The following MAGI2 variants were observed in gnomAD, a reference collection of about 807,000 sequenced individuals.
MAGI2 encodes membrane associated guanylate kinase, WW and PDZ domain containing 2, also known as membrane-associated guanylate kinase, WW and PDZ domain-containing protein 2.
Under a neutral mutation model 133.3 loss-of-function variants are expected in MAGI2, and 35 were observed. That is an observed-to-expected ratio of 0.26 (90% CI 0.20 to 0.35). MAGI2 has a LOEUF of 0.35. Among genes scored for constraint, MAGI2 ranks in the 10% least tolerant of loss-of-function variants. The pLI, the probability that MAGI2 is intolerant of heterozygous loss-of-function variation, is 1.00. For synonymous variants in MAGI2, 729 were observed against 710.6 expected, an observed-to-expected ratio of 1.03 and a Z score of -0.41; for missense variants, 1,636 against 1,863.4, an observed-to-expected ratio of 0.88 and a Z score of 2.25.
intron 7 of MAGI2, among the ~76,000 whole-genome samples, chr7:78,353,848 G>A (rs375982951): frequency 1.3e-5 from 2 of 152,084 alleles, no homozygotes; most frequent in East Asian, 3.9e-4. Flanking sequence ...GTAGGGGAGC[G>A]GATGGAAGCT....
intron 9 of MAGI2, among the ~76,000 whole-genome samples, chr7:78,315,146 T>C (rs1787277400): frequency 6.6e-6 from 1 of 152,298 alleles, no homozygotes; most frequent in East Asian, 1.9e-4. Flanking sequence ...AGTTTCCAAA[T>C]GTCCTAGTTA....
At chr7:78,337,891 A>ACCATCCATCCAT (rs112967411) in intron 9 of MAGI2, among the ~76,000 whole-genome samples, 6,301 of 150,066 alleles carry the variant, frequency 0.042, 138 homozygotes, top group Non-Finnish European at 0.047. Context: ...CCATCCAATC[A>ACCATCCATCCAT]CCATCCATCC....
intron 1 of MAGI2, among the ~76,000 whole-genome samples, chr7:79,358,926 A>T (rs1842197785): frequency 6.6e-6 from 1 of 152,196 alleles, no homozygotes. Context: ...GAGTTTGCTA[A>T]CCTAATAGAC....
chr7:78,101,879 GA>G (rs1818237632), intron 20 of MAGI2, among the ~76,000 whole-genome samples: 1 of 152,152 alleles, frequency 6.6e-6, no homozygotes. Context: ...GGAAGGAAAT[GA>G]AATCAGAATC....
intron 21 of MAGI2, among the ~76,000 whole-genome samples, chr7:78,050,664 C>A (rs945059950): frequency 2.0e-5 from 3 of 151,842 alleles, no homozygotes; most frequent in Non-Finnish European, 4.4e-5. Context: ...CTGTTTGTGT[C>A]TCAGATTTCT....
At position 78,500,971 on chromosome 7, in the gene MAGI2, C is replaced by T. The variant is rs978661158; in HGVS notation, c.965+606G>A. ...GGCATGGTGGTATGCACCTGTGGCCCCAGCTACTCAGGAGACTGAGGCGGG... is the reference window on the plus strand; with the variant it reads ...GGCATGGTGGTATGCACCTGTGGCCTCAGCTACTCAGGAGACTGAGGCGGG... On this transcript the variant is annotated intron_variant, in intron 5 of 21. Coordinates refer to ENST00000354212, the MANE Select transcript of MAGI2 (RefSeq NM_012301.4). 2.0e-5 allele frequency among the ~76,000 whole-genome samples: 3 copies of T among 152,224 alleles called. No homozygotes were observed. In the South Asian group the frequency reaches 6.2e-4, roughly 32 times the overall value.
At chr7:79,402,931 C>T (rs1845571778) in intron 1 of MAGI2, among the ~76,000 whole-genome samples, 3 of 152,108 alleles carry the variant, frequency 2.0e-5, no homozygotes, top group South Asian at 4.1e-4. Context: ...ACTGTGTGAC[C>T]TTAGATAAAT....
chr7:78,096,806 G>C (rs1817732673), intron 20 of MAGI2, among the ~76,000 whole-genome samples: 1 of 151,944 alleles, frequency 6.6e-6, no homozygotes, highest in Admixed American at 6.6e-5. Context: ...TTTGCCCAAA[G>C]GCAAAAATTG....
chr7:78,088,863 A>G (rs1025945081), intron 20 of MAGI2, among the ~76,000 whole-genome samples: 2 of 152,178 alleles, frequency 1.3e-5, no homozygotes, highest in African/African-American at 4.8e-5. Flanking sequence ...TGCTTACCTT[A>G]AGGATCTTGA....
chr7:78,178,806 G>A (rs1451092837), intron 13 of MAGI2, among the ~76,000 whole-genome samples: 1 of 152,082 alleles, frequency 6.6e-6, no homozygotes, highest in Non-Finnish European at 1.5e-5. Flanking sequence ...ATTTTAGAAT[G>A]TGCAAGCCAT....
chr7:78,119,613 T>G (rs1314790980), intron 20 of MAGI2, among the ~76,000 whole-genome samples: 2 of 148,950 alleles, frequency 1.3e-5, no homozygotes, highest in East Asian at 2.0e-4. Context: ...TGAACCATAC[T>G]GTAAACTATG....
intron 2 of MAGI2, among the ~76,000 whole-genome samples, chr7:78,797,888 G>A (rs1222665467): frequency 1.3e-5 from 2 of 151,792 alleles, no homozygotes; most frequent in African/African-American, 4.8e-5. Flanking sequence ...ATAATAGGGT[G>A]CATGGGTGCA....
At chr7:78,979,193 T>A (rs966617543) in intron 2 of MAGI2, among the ~76,000 whole-genome samples, 3 of 151,816 alleles carry the variant, frequency 2.0e-5, no homozygotes, top group Non-Finnish European at 4.4e-5. Context: ...ACCCCAGTAG[T>A]AATGAGCATA....
At chr7:79,318,376 A>C (rs1257091450) in intron 1 of MAGI2, among the ~76,000 whole-genome samples, 2 of 151,350 alleles carry the variant, frequency 1.3e-5, no homozygotes, top group Admixed American at 6.6e-5. Context: ...GTAAATTGAA[A>C]AAATTAAGAA....
chr7:78,996,075 G>A lies in MAGI2; in HGVS notation c.418+11015C>T, dbSNP rs184038212. Among the ~76,000 whole-genome samples, 233 of 152,232 alleles carry A rather than the reference G, an allele frequency of 1.5e-3. 1 individual carries two copies. The highest frequency in any genetic ancestry group is 5.3e-3 in the African/African-American group (221 of 41,554). Reference sequence around the variant, plus strand: ...ACATACTTGTTTTAGTTGATGTTCAGGGAGTTTCATACTTAGGAATGGCCC... The same window carrying A: ...ACATACTTGTTTTAGTTGATGTTCAAGGAGTTTCATACTTAGGAATGGCCC... On this transcript the variant is annotated intron_variant, in intron 2 of 21. Transcript: ENST00000354212.
At chr7:78,310,166 G>C (rs915856321) in intron 9 of MAGI2, among the ~76,000 whole-genome samples, 3 of 152,134 alleles carry the variant, frequency 2.0e-5, no homozygotes, top group Non-Finnish European at 2.9e-5. Flanking sequence ...GCCAGGCGTG[G>C]TGGCTCACAA....
At chr7:79,324,138 G>A (rs915171039) in intron 1 of MAGI2, among the ~76,000 whole-genome samples, 8 of 145,896 alleles carry the variant, frequency 5.5e-5, no homozygotes, top group East Asian at 2.0e-4. Context: ...AGTGCTAAAC[G>A]AAACAATGCA....
chr7:78,240,031 C>T (rs1253273987), intron 10 of MAGI2, among the ~76,000 whole-genome samples: 5 of 151,500 alleles, frequency 3.3e-5, no homozygotes, highest in Admixed American at 6.6e-5. Context: ...ATGTGCACAA[C>T]GTGCAGGTTT....
intron 6 of MAGI2, among the ~76,000 whole-genome samples, chr7:78,393,264 A>C (rs881446): frequency 0.37 from 56,266 of 152,086 alleles, 11,013 homozygotes; most frequent in Middle Eastern, 0.5. Flanking sequence ...CCTGTGGCCT[A>C]GGTTTGGGCA....
Sources: gnomAD v4.1 joint callset for allele counts (sites outside exome capture counted in the v4.1 genomes callset) on GRCh38, gnomAD v4.1.1 for gene constraint, MANE v1.5 for transcripts, NCBI Gene and HGNC (gene_info 2026-07-23, HGNC 2026-07-21) for gene names.